The following NGEF variants were observed in gnomAD, a reference collection of about 807,000 sequenced individuals.
NGEF encodes neuronal guanine nucleotide exchange factor, also known as ephexin-1.
NGEF carries 31 observed loss-of-function variants against 80.9 expected under a neutral mutation model. The ratio of observed to expected loss-of-function variants is 0.38; its 90% confidence interval spans 0.29 to 0.52. NGEF has a LOEUF of 0.52. NGEF is among the 20% of genes least tolerant of loss of function. NGEF has a pLI of 0.84. For synonymous variants in NGEF, 371 were observed against 370.2 expected (o/e 1.00, Z -0.03); for missense variants, 709 against 926.2 (o/e 0.77, Z 3.04).
At chr2:232,960,301 C>CCCT (rs1331719428) in intron 3 of NGEF, among the ~76,000 whole-genome samples, 1 of 152,198 alleles carries the variant, frequency 6.6e-6, no homozygotes, top group Non-Finnish European at 1.5e-5. Context: ...GGGACTAGAA[C>CCCT]CCTGATTCAT....
intron 1 of NGEF, among the ~76,000 whole-genome samples, chr2:232,980,825 G>GC (rs2106327689): frequency 1.3e-5 from 2 of 152,228 alleles, no homozygotes; most frequent in Middle Eastern, 3.4e-3. Context: ...AGTCCCTAGA[G>GC]CCCCCTCAGG....
chr2:232,927,850 G>C, intron 3 of NGEF: 2 of 1,215,810 alleles, frequency 1.6e-6, no homozygotes, highest in Non-Finnish European at 2.1e-6. Context: ...AAAGAGGCAC[G>C]CGGGGGCGGC....
At chr2:233,001,065 C>A (rs1694967329) in intron 1 of NGEF, among the ~76,000 whole-genome samples, 1 of 152,296 alleles carries the variant, frequency 6.6e-6, no homozygotes, top group South Asian at 2.1e-4. Flanking sequence ...GGGCTTCCCC[C>A]CATCCTGAGT....
intron 3 of NGEF, among the ~76,000 whole-genome samples, chr2:232,951,171 T>A (rs747378279): frequency 6.6e-6 from 1 of 152,188 alleles, no homozygotes; most frequent in East Asian, 1.9e-4. Flanking sequence ...AGCTCCCAGA[T>A]GGACAGACAC....
chr2:232,996,215 C>G (rs541195740), intron 1 of NGEF, among the ~76,000 whole-genome samples: 2 of 152,198 alleles, frequency 1.3e-5, no homozygotes, highest in South Asian at 4.1e-4. Context: ...GTAATTCCAG[C>G]TACTCGGGAG....
intron 3 of NGEF, among the ~76,000 whole-genome samples, chr2:232,966,217 G>A (rs1442016063): frequency 6.6e-6 from 1 of 152,060 alleles, no homozygotes; most frequent in East Asian, 1.9e-4. Flanking sequence ...CCCTGTGGGG[G>A]TCCTTAGACA....
At chr2:232,977,903 C>T (rs1161217174) in intron 1 of NGEF, among the ~76,000 whole-genome samples, 1 of 152,166 alleles carries the variant, frequency 6.6e-6, no homozygotes, top group African/African-American at 2.4e-5. Flanking sequence ...TTGAGAGCAG[C>T]GGACAAGGGA....
chr2:233,010,900 C>T (rs996675607), intron 1 of NGEF, among the ~76,000 whole-genome samples: 2 of 152,070 alleles, frequency 1.3e-5, no homozygotes, highest in Non-Finnish European at 2.9e-5. Context: ...TGGTCCCAGG[C>T]CAAGGGAAGG....
chr2:232,893,227 A>C (rs998158271), intron 6 of NGEF, among the ~76,000 whole-genome samples, 177 bp from the exon 7 acceptor site: 1 of 152,228 alleles, frequency 6.6e-6, no homozygotes, highest in Non-Finnish European at 1.5e-5. Context: ...GTATTTGGTC[A>C]TCTTGAAGAA....
At chr2:233,001,492 G>T (rs1003831624) in intron 1 of NGEF, among the ~76,000 whole-genome samples, 1 of 152,140 alleles carries the variant, frequency 6.6e-6, no homozygotes, top group Non-Finnish European at 1.5e-5. Flanking sequence ...AGGGATTCAG[G>T]CATGTAGAGG....
chr2:232,906,796 A>T (rs1350812018), intron 5 of NGEF, among the ~76,000 whole-genome samples: 5 of 151,676 alleles, frequency 3.3e-5, no homozygotes, highest in South Asian at 2.1e-4. Flanking sequence ...TCTGTGTAGA[A>T]AGTAGTAGAC....
At chr2:232,887,890 CTT>C (rs1232862965) in intron 9 of NGEF, 141 bp downstream of exon 9, 2 of 724,990 alleles carry the variant, frequency 2.8e-6, no homozygotes, top group Non-Finnish European at 4.9e-6. Flanking sequence ...CCCAGTGACT[CTT>C]TTGATTGCAA....
intron 1 of NGEF, 82 bp downstream of exon 1, chr2:233,012,986 C>T (rs756624009): frequency 6.5e-6 from 3 of 461,834 alleles, no homozygotes; most frequent in South Asian, 4.8e-5. Context: ...TCCTTTCCTA[C>T]CTGTCCTAGC....
At chr2:232,922,273 C>G (rs1692962752) in intron 4 of NGEF, among the ~76,000 whole-genome samples, 1 of 152,164 alleles carries the variant, frequency 6.6e-6, no homozygotes, top group South Asian at 2.1e-4. Context: ...AAACAGACCA[C>G]CTTCAAAATC....
intron 5 of NGEF, among the ~76,000 whole-genome samples, chr2:232,898,605 A>C (rs1692170547): frequency 6.6e-6 from 1 of 152,224 alleles, no homozygotes; most frequent in Admixed American, 6.5e-5. Flanking sequence ...CTCTCATTTA[A>C]GCCTCTACAT....
intron 3 of NGEF, among the ~76,000 whole-genome samples, chr2:232,929,432 T>A (rs1167502067): frequency 6.6e-6 from 1 of 152,218 alleles, no homozygotes; most frequent in African/African-American, 2.4e-5. Context: ...TCCCCAGCTT[T>A]GACTCTAGAA....
chr2:232,966,334 A>G (rs1355010637), intron 3 of NGEF, among the ~76,000 whole-genome samples: 2 of 152,070 alleles, frequency 1.3e-5, no homozygotes, highest in Non-Finnish European at 2.9e-5. Flanking sequence ...AAATCAGTTC[A>G]CAGCTGGCTC....
chr2:232,920,090 G>C (rs1395509202), intron 5 of NGEF, among the ~76,000 whole-genome samples, 194 bp downstream of exon 5: 1 of 152,236 alleles, frequency 6.6e-6, no homozygotes, highest in Non-Finnish European at 1.5e-5. Context: ...AGCTGTCCTA[G>C]AAGGTAGCTG....
At chr2:233,011,071 C>T (rs899672183) in intron 1 of NGEF, among the ~76,000 whole-genome samples, 1 of 152,132 alleles carries the variant, frequency 6.6e-6, no homozygotes, top group Admixed American at 6.5e-5. Flanking sequence ...CCTCAGGATC[C>T]TATCACCGTT....
Sources: gnomAD v4.1 joint callset for allele counts (sites outside exome capture counted in the v4.1 genomes callset) on GRCh38, gnomAD v4.1.1 for gene constraint, MANE v1.5 for transcripts, NCBI Gene and HGNC (gene_info 2026-07-23, HGNC 2026-07-21) for gene names.